SLC35C1: variants seen among roughly 807,000 people sequenced by gnomAD.
The protein encoded by SLC35C1 is solute carrier family 35 member C1, also known as GDP-fucose transporter 1.
SLC35C1 carries 8 observed loss-of-function variants against 23.2 expected under a neutral mutation model. That is an observed-to-expected ratio of 0.35 (90% confidence interval 0.20 to 0.62). The LOEUF is 0.62. Among genes scored for constraint, SLC35C1 ranks in the 20% least tolerant of loss-of-function variants. The pLI is 0.75. For synonymous variants in SLC35C1, 226 were observed against 225.1 expected (o/e 1.00, Z -0.04); for missense variants, 422 against 478.6 (o/e 0.88, Z 1.10).
chr11:45,806,045 CTGG>C lies in SLC35C1; in HGVS notation c.247_249del (p.Val83del). The C allele has an allele frequency of 6.2e-7, 1 of 1,613,658 alleles. No homozygotes were observed. The highest frequency in any genetic ancestry group is 8.5e-7 in the Non-Finnish European group (1 of 1,180,000). On this transcript the variant is annotated inframe_deletion, in exon 1 of 2. Coordinates refer to ENST00000314134, the MANE Select transcript of SLC35C1 (RefSeq NM_018389.5). ...CATCTTCGTCACCTTCTACCAGTGC[CTGG>C]TGACCACGCTGCTGTGCAAAGGCCT... is the stretch of plus-strand genomic sequence containing the variant.
chr11:45,805,673 C>G lies in SLC35C1; in HGVS notation c.-129C>G. The stretch of plus-strand genomic sequence containing the variant: ...TCAATCCATGAGGACAATGGGGAGG[C>G]CTTTAGGCCAGCCCACATGTGACAA... On this transcript the variant is annotated 5_prime_UTR_variant, in exon 1 of 2. Transcript: ENST00000314134. The G allele has an allele frequency of 6.4e-7, 1 of 1,562,002 alleles. No individual in the cohort carries two copies. The highest frequency in any genetic ancestry group is 1.1e-5 in the South Asian group (1 of 87,176).
At position 45,805,333 on chromosome 11, in the gene SLC35C1, C is replaced by CCGGG; in HGVS notation, c.-469_-468insCGGG. On this transcript the variant is annotated 5_prime_UTR_variant, in exon 1 of 2. Coordinates refer to ENST00000314134, the MANE Select transcript of SLC35C1 (RefSeq NM_018389.5). ...CAGCTCCCTGTACGCCTCCCTCCCC[C>CCGGG]TGCCCGCCCCTCCCTCCCACAGCCG... 2 of 988,700 alleles carry CCGGG rather than the reference C, an allele frequency of 2.0e-6. No homozygotes were observed. The highest frequency in any genetic ancestry group is 3.8e-5 in the South Asian group (1 of 26,046). The allele number at this position is 988,700 out of a possible 1,614,324, so 61.2% of individuals were successfully genotyped here.
chr11:45,804,881 C>T (rs755792891), upstream of SLC35C1: 203 of 985,664 alleles, frequency 2.1e-4, no homozygotes, highest in Non-Finnish European at 2.3e-4. Context: ...ACGGAGGCTC[C>T]GGGGCGGACG....
rs1002771215 is a variant in SLC35C1, at chr11:45,805,246, C to A, written c.-556C>A. 1.6e-4 allele frequency: 157 copies of A among 1,001,296 alleles called. No homozygotes were observed. The highest frequency in any genetic ancestry group is 1.8e-4 in the Non-Finnish European group (149 of 838,324). 62.0% of individuals were successfully genotyped at this position (1,001,296 alleles called of 1,614,324 possible). On this transcript the variant is annotated 5_prime_UTR_variant, in exon 1 of 2. Transcript: ENST00000314134. ...CCAGCCCCCTCCCGCGTCCTTCAGC[C>A]CCAAGCCCCGAGCCCCTCTGACCCT...
chr11:45,807,902 G>A (rs1483379140), intron 1 of SLC35C1, among the ~76,000 whole-genome samples: 1 of 152,104 alleles, frequency 6.6e-6, no homozygotes, highest in Non-Finnish European at 1.5e-5. Flanking sequence ...CCTGCCAGGA[G>A]TGGCCTCAGG....
rs2085966320 is a variant in SLC35C1, at chr11:45,812,878, CTA to C, written c.*1548_*1549del. ...TGGGGTGATTTCTGATGTTTTTACT[CTA>C]TATAGTGAAAAGCTAGGGAGAGCGG... On this transcript the variant is annotated 3_prime_UTR_variant, in exon 2 of 2. Transcript: ENST00000314134. The C allele has an allele frequency of 2.9e-6, 1 of 340,654 alleles. No individual in the cohort carries two copies. Among genetic ancestry groups the C allele is most frequent in the Non-Finnish European group, 5.8e-6 (1 of 171,436 alleles). 21.1% of individuals were successfully genotyped at this position (340,654 alleles called of 1,614,324 possible). A position where few individuals can be genotyped will look rare whatever the true frequency, so the allele number is the denominator to read the frequency against.
chr11:45,805,691 T>C lies in SLC35C1; in HGVS notation c.-111T>C. The stretch of plus-strand genomic sequence containing the variant: ...GGGGAGGCCTTTAGGCCAGCCCACA[T>C]GTGACAATGGAGGGCTGCGGCTTCC... On this transcript the variant is annotated 5_prime_UTR_variant, in exon 1 of 2. It removes an upstream start codon present in the reference 5' UTR. Coordinates refer to ENST00000314134, the MANE Select transcript of SLC35C1 (RefSeq NM_018389.5). 6.3e-7 allele frequency: 1 copy of C among 1,586,064 alleles called. No individual in the cohort carries two copies. The highest frequency in any genetic ancestry group is 8.5e-7 in the Non-Finnish European group (1 of 1,173,936).
chr11:45,810,661 G>C, intron 1 of SLC35C1, 115 bp from the exon 2 acceptor site: 1 of 1,464,666 alleles, frequency 6.8e-7, no homozygotes, highest in Non-Finnish European at 9.0e-7. Context: ...GGGGAGGAAC[G>C]GGGAGGGCCG....
At position 45,812,658 on chromosome 11, in the gene SLC35C1, T is replaced by A. The variant is rs758631564; in HGVS notation, c.*1323T>A. On this transcript the variant is annotated 3_prime_UTR_variant, in exon 2 of 2. Coordinates refer to ENST00000314134, the MANE Select transcript of SLC35C1 (RefSeq NM_018389.5). ...CCTGTTCATGAGGGTTCCGCCCCCA[T>A]GACCCAATCAGCTCCAAAGGCCCCA... 29 of 455,880 alleles carry A rather than the reference T, an allele frequency of 6.4e-5. No homozygotes were observed. The highest frequency in any genetic ancestry group is 1.2e-4 in the Admixed American group (5 of 42,552). The allele number at this position is 455,880 out of a possible 1,614,324, so 28.2% of individuals were successfully genotyped here.
chr11:45,810,232 C>T, intron 1 of SLC35C1: 1 of 985,452 alleles, frequency 1.0e-6, no homozygotes, highest in African/African-American at 1.7e-5. Flanking sequence ...CCCCAAATGA[C>T]ACAAGAGATT....
At position 45,811,265 on chromosome 11, in the gene SLC35C1, G is replaced by T. The variant is rs377292146; in HGVS notation, c.1025G>T (p.Gly342Val). The change falls in exon 2 of 2, where the codon GGC (glycine) becomes GTC (valine). Residue 342 changes from glycine (G) to valine (V), a missense_variant. Physicochemically the swap from Gly to Val is moderately radical, Grantham distance 109 (BLOSUM62 -3). Coordinates refer to ENST00000314134, the MANE Select transcript of SLC35C1 (RefSeq NM_018389.5). Reference sequence around the variant, plus strand: ...TCCTCCGCCTACACCTGGGTCAGGGGCTGGGAGATGAAGAAGACTCCGGAG... The same window carrying T: ...TCCTCCGCCTACACCTGGGTCAGGGTCTGGGAGATGAAGAAGACTCCGGAG... ...GGSSAYTWVRGWEMKKTPEEP... is the reference protein window; with the variant it reads ...GGSSAYTWVRVWEMKKTPEEP... 1.5e-4 allele frequency: 232 copies of T among 1,585,124 alleles called. 1 individual carries two copies. Among genetic ancestry groups the T allele is most frequent in the Non-Finnish European group, 1.9e-4 (222 of 1,166,218 alleles).
At chr11:45,810,546 A>G in intron 1 of SLC35C1, 1 of 985,442 alleles carries the variant, frequency 1.0e-6, no homozygotes. Flanking sequence ...CTGCTAGCAG[A>G]TAAGCTGCCA....
At chr11:45,808,484 G>C (rs1284863995) in intron 1 of SLC35C1, among the ~76,000 whole-genome samples, 2 of 151,920 alleles carry the variant, frequency 1.3e-5, no homozygotes, top group Non-Finnish European at 2.9e-5. Context: ...CTGGGCGACA[G>C]AGCAAGACAC....
At position 45,812,898 on chromosome 11, in the gene SLC35C1, G is replaced by A. The variant is rs2085966847; in HGVS notation, c.*1563G>A. 13 of 313,460 alleles carry A rather than the reference G, an allele frequency of 4.1e-5. No individual in the cohort carries two copies. Among genetic ancestry groups the A allele is most frequent in the South Asian group, 3.3e-4 (12 of 36,158 alleles). The allele number at this position is 313,460 out of a possible 1,614,324, so 19.4% of individuals were successfully genotyped here. A position where few individuals can be genotyped will look rare whatever the true frequency, so the allele number is the denominator to read the frequency against. ...TTACTCTATATAGTGAAAAGCTAGG[G>A]AGAGCGGGTCTTCTCCCCCCTCCCT... On this transcript the variant is annotated 3_prime_UTR_variant, in exon 2 of 2. Transcript: ENST00000314134.
chr11:45,812,489 G>C lies in SLC35C1; in HGVS notation c.*1154G>C. The C allele has an allele frequency of 2.2e-6, 1 of 454,562 alleles. No homozygotes were observed. The highest frequency in any genetic ancestry group is 2.4e-5 in the Admixed American group (1 of 42,510). 28.2% of individuals were successfully genotyped at this position (454,562 alleles called of 1,614,324 possible). ...ATTGCTCACAGTCCTGGGGGGCTGGGACGCCCAAGATCAAGAGGCCAGCAG... is the reference window on the plus strand; with the variant it reads ...ATTGCTCACAGTCCTGGGGGGCTGGCACGCCCAAGATCAAGAGGCCAGCAG... On this transcript the variant is annotated 3_prime_UTR_variant, in exon 2 of 2. Coordinates refer to ENST00000314134, the MANE Select transcript of SLC35C1 (RefSeq NM_018389.5).
chr11:45,805,702 AG>A lies in SLC35C1; in HGVS notation c.-97del. 1 of 1,591,144 alleles carries A rather than the reference AG, an allele frequency of 6.3e-7. No homozygotes were observed. Among genetic ancestry groups the A allele is most frequent in the Non-Finnish European group, 8.5e-7 (1 of 1,176,460 alleles). On this transcript the variant is annotated 5_prime_UTR_variant, in exon 1 of 2. The change abolishes the stop of an existing upstream ORF in the 5' untranslated region. Coordinates refer to ENST00000314134, the MANE Select transcript of SLC35C1 (RefSeq NM_018389.5). ...TAGGCCAGCCCACATGTGACAATGG[AG>A]GGCTGCGGCTTCCTTGCGGAGAGCA...
chr11:45,811,833 C>T lies in SLC35C1; in HGVS notation c.*498C>T, dbSNP rs567007782. ...GCAGCCTCACCCTGGGCCCACAGAC[C>T]GGCCTTCCTTTGGAGGAAAGTGTGG... On this transcript the variant is annotated 3_prime_UTR_variant, in exon 2 of 2. Transcript: ENST00000314134. 77 of 155,556 alleles carry T rather than the reference C, an allele frequency of 4.9e-4. No individual in the cohort carries two copies. Among genetic ancestry groups the T allele is most frequent in the Admixed American group, 4.1e-3 (65 of 15,900 alleles). 9.6% of individuals were successfully genotyped at this position (155,556 alleles called of 1,614,324 possible).
intron 1 of SLC35C1, chr11:45,809,685 A>G (rs1205646629): frequency 1.1e-5 from 10 of 925,720 alleles, no homozygotes; most frequent in Non-Finnish European, 1.3e-5. Flanking sequence ...AACTTCTCCC[A>G]GGCCACTCAG....
chr11:45,804,812 G>A (rs1361521815), upstream of SLC35C1: 3 of 985,640 alleles, frequency 3.0e-6, no homozygotes, highest in Non-Finnish European at 3.6e-6. Context: ...GCGCCGCCCG[G>A]GTCCTGGGTC....
Sources: gnomAD v4.1 joint callset for allele counts (sites outside exome capture counted in the v4.1 genomes callset) on GRCh38, gnomAD v4.1.1 for gene constraint, MANE v1.5 for transcripts, NCBI Gene and HGNC (gene_info 2026-07-23, HGNC 2026-07-21) for gene names.